KDM4C: variants seen among roughly 807,000 people sequenced by gnomAD.
KDM4C encodes lysine-specific demethylase 4C.
A neutral mutation model predicts 129.3 loss-of-function variants in KDM4C; 81 were observed. The observed-to-expected ratio is 0.63, with a 90% CI of 0.52 to 0.75. The LOEUF (loss-of-function observed/expected upper bound fraction) is 0.75, where lower values mean the gene tolerates loss of function less well. Ranked by LOEUF, KDM4C falls within the 30% of genes least tolerant of loss-of-function variation. KDM4C has a pLI of 0.00. For missense variants in KDM4C, 1,457 were observed against 1,304.0 expected, an observed-to-expected ratio of 1.12 and a Z score of -1.81; for synonymous variants, 573 against 456.1, an observed-to-expected ratio of 1.26 and a Z score of -3.26.
intron 4 of KDM4C, among the ~76,000 whole-genome samples, chr9:6,834,043 C>CTTTTTTTTTTTTTTTT (rs71487860): frequency 2.2e-4 from 24 of 109,454 alleles, no homozygotes; most frequent in South Asian, 6.3e-4. Flanking sequence ...AAGAGATAGT[C>CTTTTTTTTTTTTTTTT]TTTTTTTTTT....
intron 8 of KDM4C, among the ~76,000 whole-genome samples, chr9:6,902,020 A>G (rs1182144146): frequency 6.6e-6 from 1 of 152,166 alleles, no homozygotes; most frequent in Non-Finnish European, 1.5e-5. Context: ...ACTCTGGTGG[A>G]TGCTGTGGGT....
chr9:6,856,470 C>CT (rs1187249983), intron 5 of KDM4C, among the ~76,000 whole-genome samples: 1 of 151,580 alleles, frequency 6.6e-6, no homozygotes, highest in East Asian at 1.9e-4. Flanking sequence ...TAGAAATACT[C>CT]TTAAGTTGAA....
At chr9:7,066,200 C>T (rs554707475) in intron 17 of KDM4C, among the ~76,000 whole-genome samples, 180 of 152,122 alleles carry the variant, frequency 1.2e-3, no homozygotes, top group African/African-American at 4.1e-3. Context: ...TAAATACATA[C>T]AGAGCTGATC....
At chr9:7,023,067 T>C (rs1487149638) in intron 15 of KDM4C, among the ~76,000 whole-genome samples, 1 of 152,208 alleles carries the variant, frequency 6.6e-6, no homozygotes, top group Non-Finnish European at 1.5e-5. Flanking sequence ...TGTTGAAGAT[T>C]TCTGCATCAG....
chr9:7,127,715 C>A (rs113138224), intron 18 of KDM4C, among the ~76,000 whole-genome samples: 4 of 152,084 alleles, frequency 2.6e-5, no homozygotes, highest in Non-Finnish European at 5.9e-5. Context: ...ATTAAAGTAT[C>A]CTATCAGTGT....
intron 2 of KDM4C, among the ~76,000 whole-genome samples, chr9:6,805,061 C>T (rs577396817): frequency 5.5e-4 from 84 of 152,006 alleles, no homozygotes; most frequent in South Asian, 4.0e-3. Context: ...CCACCACGCC[C>T]GGCTAATTTT....
intron 4 of KDM4C, among the ~76,000 whole-genome samples, chr9:6,840,254 A>G (rs1049884992): frequency 6.7e-6 from 1 of 150,076 alleles, no homozygotes. Flanking sequence ...TGTGTATTTT[A>G]TAGAAATGGG....
At chr9:6,933,134 C>T (rs958222182) in intron 8 of KDM4C, among the ~76,000 whole-genome samples, 1 of 152,116 alleles carries the variant, frequency 6.6e-6, no homozygotes, top group Non-Finnish European at 1.5e-5. Flanking sequence ...TTAAATGACA[C>T]AAAATAGACT....
chr9:6,960,443 C>G (rs772043782), intron 8 of KDM4C, among the ~76,000 whole-genome samples: 3 of 151,922 alleles, frequency 2.0e-5, no homozygotes, highest in Non-Finnish European at 4.4e-5. Flanking sequence ...CCACACTCAT[C>G]TAGGGGTCAC....
intron 19 of KDM4C, among the ~76,000 whole-genome samples, chr9:7,145,149 A>G (rs1429165061): frequency 6.7e-6 from 1 of 148,650 alleles, no homozygotes; most frequent in African/African-American, 2.5e-5. Flanking sequence ...CCTTTGACCA[A>G]AGAGGAAGCT....
intron 1 of KDM4C, among the ~76,000 whole-genome samples, chr9:6,780,831 T>C (rs1186265480): frequency 1.1e-4 from 16 of 149,994 alleles, no homozygotes; most frequent in Non-Finnish European, 1.6e-4. Flanking sequence ...TCATATAATG[T>C]AGATTTCAGC....
chr9:6,848,826 A>G (rs1183007781), intron 4 of KDM4C, among the ~76,000 whole-genome samples: 1 of 152,192 alleles, frequency 6.6e-6, no homozygotes, highest in Non-Finnish European at 1.5e-5. Context: ...AGTTTTACCA[A>G]AGTTGGGATA....
upstream of KDM4C, chr9:6,757,531 G>C (rs1021435875): frequency 1.4e-6 from 1 of 704,740 alleles, no homozygotes; most frequent in South Asian, 6.3e-5. Context: ...CGGGAACACA[G>C]CGCTGTCATC....
intron 4 of KDM4C, among the ~76,000 whole-genome samples, chr9:6,847,658 G>T (rs569675020): frequency 3.5e-4 from 54 of 152,314 alleles, no homozygotes; most frequent in African/African-American, 1.2e-3. Context: ...CCAAAGTGCT[G>T]GGATTACAGG....
chr9:6,964,493 AT>A (rs1235686968), intron 8 of KDM4C, among the ~76,000 whole-genome samples: 3 of 152,102 alleles, frequency 2.0e-5, no homozygotes, highest in African/African-American at 7.2e-5. Flanking sequence ...TCTATCATTG[AT>A]GGACATTTGG....
chr9:7,031,584 A>T lies in KDM4C; in HGVS notation c.2260-15278A>T, dbSNP rs181322644. ...TATACAATTGGAGTGATTTTAAAAA[A>T]AACTATTTTGGTGGCTGTTTATGTG... On this transcript the variant is annotated intron_variant, in intron 15 of 21. Coordinates refer to ENST00000381309, the MANE Select transcript of KDM4C (RefSeq NM_015061.6). 2.0e-5 allele frequency among the ~76,000 whole-genome samples: 3 copies of T among 152,358 alleles called. No individual in the cohort carries two copies. The South Asian group carries it at 6.2e-4, about 32-fold the overall frequency.
chr9:6,823,566 C>T (rs1202035992), intron 4 of KDM4C, among the ~76,000 whole-genome samples: 1 of 152,168 alleles, frequency 6.6e-6, no homozygotes, highest in Non-Finnish European at 1.5e-5. Context: ...CCATTTTGCA[C>T]TTGCTTTGAA....
At chr9:7,106,462 A>C (rs1837697259) in intron 18 of KDM4C, among the ~76,000 whole-genome samples, 1 of 152,204 alleles carries the variant, frequency 6.6e-6, no homozygotes, top group African/African-American at 2.4e-5. Flanking sequence ...TGTTTTACAG[A>C]ATAATGGAGG....
intron 19 of KDM4C, among the ~76,000 whole-genome samples, chr9:7,131,015 C>T (rs1054704338): frequency 7.9e-5 from 12 of 151,626 alleles, no homozygotes; most frequent in Admixed American, 1.3e-4. Flanking sequence ...GTGATCCTCC[C>T]GCCTCGGCAT....
Sources: gnomAD v4.1 joint callset for allele counts (sites outside exome capture counted in the v4.1 genomes callset) on GRCh38, gnomAD v4.1.1 for gene constraint, MANE v1.5 for transcripts, NCBI Gene and HGNC (gene_info 2026-07-23, HGNC 2026-07-21) for gene names.